The following ADGRV1 variants were observed in gnomAD, a reference collection of about 807,000 sequenced individuals.
ADGRV1 encodes the protein G-protein coupled receptor 98.
ADGRV1 carries 359 observed loss-of-function variants against 596.2 expected under a neutral mutation model. That is an observed-to-expected ratio of 0.60 (90% CI 0.55 to 0.66). The LOEUF (loss-of-function observed/expected upper bound fraction) is 0.66, where lower values mean the gene tolerates loss of function less well. Ranked by LOEUF, ADGRV1 falls within the 30% of genes least tolerant of loss-of-function variation. The pLI, the probability that ADGRV1 is intolerant of heterozygous loss-of-function variation, is 0.00. For synonymous variants in ADGRV1, 2,681 were observed against 2,679.2 expected, an observed-to-expected ratio of 1.00 and a Z score of -0.02; for missense variants, 7,274 against 7,575.6, an observed-to-expected ratio of 0.96 and a Z score of 1.48.
At chr5:91,129,021 A>T (rs1582143098) in intron 87 of ADGRV1, among the ~76,000 whole-genome samples, 1 of 152,218 alleles carries the variant, frequency 6.6e-6, no homozygotes, top group Non-Finnish European at 1.5e-5. Context: ...CAAAATACTT[A>T]ATTTTCTCTG....
intron 74 of ADGRV1, 55 bp downstream of exon 74, chr5:90,811,393 A>G (rs1762428373): frequency 7.0e-7 from 1 of 1,429,452 alleles, no homozygotes; most frequent in Admixed American, 2.5e-5. Context: ...CATAATTTGT[A>G]TTAAGGTGAA....
intron 86 of ADGRV1, among the ~76,000 whole-genome samples, chr5:91,082,552 C>T (rs1322364674): frequency 6.6e-6 from 1 of 152,040 alleles, no homozygotes; most frequent in Non-Finnish European, 1.5e-5. Context: ...AAATGGATGA[C>T]CGAAGTCTTC....
chr5:91,164,214 CTA>C lies in ADGRV1; in HGVS notation c.*316_*317del, dbSNP rs1329371928. On this transcript the variant is annotated 3_prime_UTR_variant, in exon 90 of 90. Transcript: ENST00000405460. ...GTAATAATCAATAAAGCAATAGAAT[CTA>C]TTTGGTATCATCCAGCTTCATTATT... 5.3e-6 allele frequency: 2 copies of C among 379,352 alleles called. No homozygotes were observed. The highest frequency in any genetic ancestry group is 1.3e-4 in the East Asian group (2 of 15,800). 23.5% of individuals were successfully genotyped at this position (379,352 alleles called of 1,614,324 possible).
At chr5:91,136,142 A>G (rs1185227748) in intron 87 of ADGRV1, among the ~76,000 whole-genome samples, 1 of 152,152 alleles carries the variant, frequency 6.6e-6, no homozygotes, top group African/African-American at 2.4e-5. Flanking sequence ...ATGAAGCCCA[A>G]ACTACAGAGG....
At chr5:90,984,830 TC>T (rs1474028037) in intron 84 of ADGRV1, among the ~76,000 whole-genome samples, 1 of 152,220 alleles carries the variant, frequency 6.6e-6, no homozygotes, top group East Asian at 1.9e-4. Flanking sequence ...TGTTTATTTG[TC>T]TACACCTTCC....
At chr5:90,856,879 T>C (rs1172936634) in intron 82 of ADGRV1, among the ~76,000 whole-genome samples, 1 of 152,188 alleles carries the variant, frequency 6.6e-6, no homozygotes, top group Non-Finnish European at 1.5e-5. Flanking sequence ...TTTAGTGATA[T>C]TTTGTCTGTA....
rs1442683277 is a variant in ADGRV1, at chr5:90,627,447, C to G, written c.909C>G (p.Ile303Met). The G allele has an allele frequency of 6.2e-7, 1 of 1,613,830 alleles. No homozygotes were observed. The highest frequency in any genetic ancestry group is 8.5e-7 in the Non-Finnish European group (1 of 1,179,862). Residue 303 changes from isoleucine (I) to methionine (M), a missense_variant, in exon 7 of 90, where the codon ATC becomes ATG. Around this residue, in one of 5 missense-constraint regions of ADGRV1, gnomAD observed 1,715 missense variants for 1,708.8 expected, o/e 1.00. Transcript: ENST00000405460. The stretch of plus-strand genomic sequence containing the variant: ...GATCTGATGAATATGAGGTTTCAAT[C>G]AGTTATGCTGTCACAACTGGGAATT... ...LIGSDEYEVSISYAVTTGNST... is the reference protein window; with the variant it reads ...LIGSDEYEVSMSYAVTTGNST...
intron 83 of ADGRV1, among the ~76,000 whole-genome samples, chr5:90,866,315 A>ATATGTGTGTGTGTGTGTG (rs1554140381): frequency 1.4e-5 from 2 of 138,218 alleles, no homozygotes; most frequent in Non-Finnish European, 3.3e-5. Flanking sequence ...GTATGTGTAT[A>ATATGTGTGTGTGTGTGTG]TGTGTGTGTG....
intron 1 of ADGRV1, among the ~76,000 whole-genome samples, chr5:90,613,484 C>T (rs531747119): frequency 1.3e-5 from 2 of 152,180 alleles, no homozygotes; most frequent in African/African-American, 4.8e-5. Flanking sequence ...TTTCCATGAA[C>T]ATTCCTGGGT....
At chr5:90,676,726 G>T (rs115042938) in intron 25 of ADGRV1, 2,633 of 153,240 alleles carry the variant, frequency 0.017, 37 homozygotes, top group Non-Finnish European at 0.024. Context: ...GTTCCCCTAA[G>T]GTCACCTCTC....
chr5:90,706,730 TA>T (rs59122560), intron 38 of ADGRV1, among the ~76,000 whole-genome samples: 72,492 of 143,874 alleles, frequency 0.5, 18,010 homozygotes, highest in Admixed American at 0.62. Flanking sequence ...TTTCTATTAG[TA>T]AAAAAAAAAA....
chr5:90,724,188 AATC>A (rs1389510359), intron 45 of ADGRV1, among the ~76,000 whole-genome samples: 1 of 152,172 alleles, frequency 6.6e-6, no homozygotes, highest in Non-Finnish European at 1.5e-5. Context: ...AGTTGATAAA[AATC>A]ATGTTCTGCA....
chr5:90,837,591 A>G (rs530250317), intron 77 of ADGRV1, among the ~76,000 whole-genome samples: 135 of 151,938 alleles, frequency 8.9e-4, no homozygotes, highest in African/African-American at 3.2e-3. Context: ...GCTGGTCTTG[A>G]GCTCCTGACC....
chr5:90,761,384 A>T (rs1756497769), intron 58 of ADGRV1, among the ~76,000 whole-genome samples: 1 of 152,238 alleles, frequency 6.6e-6, no homozygotes, highest in African/African-American at 2.4e-5. Context: ...GCAGAAAATT[A>T]CACATGAATA....
chr5:90,911,025 T>C (rs538364291), intron 83 of ADGRV1, among the ~76,000 whole-genome samples: 20 of 152,312 alleles, frequency 1.3e-4, no homozygotes, highest in Admixed American at 1.3e-3. Flanking sequence ...TTGTATTAGC[T>C]AAGTAGTAGC....
chr5:90,774,185 G>A lies in ADGRV1; in HGVS notation c.12286-1G>A. Reference sequence around the variant, plus strand: ...TGCACTGTTTCTGTCATTGGATGTAGACTGAGTCCCAGAAGACCATTGTGT... The same window carrying A: ...TGCACTGTTTCTGTCATTGGATGTAAACTGAGTCCCAGAAGACCATTGTGT... On this transcript the variant is annotated splice_acceptor_variant, in intron 59 of 89. Coordinates refer to ENST00000405460, the MANE Select transcript of ADGRV1 (RefSeq NM_032119.4). LOFTEE classifies it high-confidence loss of function. The A allele has an allele frequency of 4.4e-6, 7 of 1,576,388 alleles. No homozygotes were observed. The highest frequency in any genetic ancestry group is 6.1e-6 in the Non-Finnish European group (7 of 1,149,398).
At chr5:91,130,860 G>A (rs1327210972) in intron 87 of ADGRV1, among the ~76,000 whole-genome samples, 6 of 152,284 alleles carry the variant, frequency 3.9e-5, no homozygotes, top group African/African-American at 4.8e-5. Context: ...ACTTATAAGC[G>A]AGGACATGCG....
chr5:90,679,726 G>A (rs1354409939), intron 26 of ADGRV1, 97 bp downstream of exon 26: 3 of 696,772 alleles, frequency 4.3e-6, no homozygotes, highest in South Asian at 2.1e-5. Flanking sequence ...CCTACTATGT[G>A]TAGGTCCTTT....
At chr5:90,927,798 C>T (rs1296562683) in intron 83 of ADGRV1, among the ~76,000 whole-genome samples, 1 of 151,998 alleles carries the variant, frequency 6.6e-6, no homozygotes, top group Non-Finnish European at 1.5e-5. Flanking sequence ...TTTAGCGCTT[C>T]CTTCAGGAGC....
Sources: gnomAD v4.1 joint callset for allele counts (sites outside exome capture counted in the v4.1 genomes callset) on GRCh38, gnomAD v4.1.1 for gene constraint, gnomAD v4.1.1 regional missense constraint, MANE v1.5 for transcripts, NCBI Gene and HGNC (gene_info 2026-07-23, HGNC 2026-07-21) for gene names.